Variants in ERBB4 observed in about 807,000 individuals in gnomAD.
ERBB4 encodes receptor tyrosine-protein kinase erbB-4.
A neutral mutation model predicts 158.0 loss-of-function variants in ERBB4; 42 were observed. The observed-to-expected ratio is 0.27, with a 90% CI of 0.21 to 0.34. The LOEUF (loss-of-function observed/expected upper bound fraction) is 0.34. Among genes scored for constraint, ERBB4 ranks in the 10% least tolerant of loss-of-function variants. The probability of loss-of-function intolerance (pLI) is 1.00; values close to 1 mark genes in which losing one functional copy is unlikely to be tolerated. For synonymous variants in ERBB4, 583 were observed against 558.7 expected (o/e 1.04, Z -0.61); for missense variants, 1,333 against 1,624.1 (o/e 0.82, Z 3.08).
chr2:211,491,203 T>C (rs1040168627), intron 20 of ERBB4, among the ~76,000 whole-genome samples: 1 of 152,142 alleles, frequency 6.6e-6, no homozygotes, highest in African/African-American at 2.4e-5. Context: ...AAGGGATTTT[T>C]TTCTTTCAAG....
rs944288386 is a variant in ERBB4 at position 211,377,440 on chromosome 2, T to C, written c.*6175A>G. 1 of 233,006 alleles carries C rather than the reference T, an allele frequency of 4.3e-6. No homozygotes were observed. Among genetic ancestry groups the C allele is most frequent in the East Asian group, 6.1e-5 (1 of 16,460 alleles). 14.4% of individuals were successfully genotyped at this position (233,006 alleles called of 1,614,324 possible). On this transcript the variant is annotated 3_prime_UTR_variant, in exon 28 of 28. Transcript: ENST00000342788. ...TTCTCATGATATAGGGAAAGCTCAC[T>C]AGAGCATGAAAAGAAAAACGTCCAT...
At chr2:211,870,268 G>A (rs935446159) in intron 3 of ERBB4, among the ~76,000 whole-genome samples, 1 of 152,054 alleles carries the variant, frequency 6.6e-6, no homozygotes, top group African/African-American at 2.4e-5. Flanking sequence ...TCAAGTACAA[G>A]TGGCCATAAA....
chr2:212,519,649 A>G (rs1692039072), intron 1 of ERBB4, among the ~76,000 whole-genome samples: 1 of 151,920 alleles, frequency 6.6e-6, no homozygotes, highest in South Asian at 2.1e-4. Context: ...ACCTGGGTGA[A>G]TCTGTCGGAC....
At chr2:211,869,760 C>T (rs2078296525) in intron 3 of ERBB4, among the ~76,000 whole-genome samples, 1 of 152,128 alleles carries the variant, frequency 6.6e-6, no homozygotes, top group Admixed American at 6.6e-5. Flanking sequence ...ATTATTGCAT[C>T]TTCTCTAATA....
At chr2:211,524,393 G>A (rs1018868782) in intron 20 of ERBB4, among the ~76,000 whole-genome samples, 1 of 151,914 alleles carries the variant, frequency 6.6e-6, no homozygotes, top group Non-Finnish European at 1.5e-5. Flanking sequence ...CTCAGCCCTT[G>A]GGTGGTCAAT....
intron 1 of ERBB4, among the ~76,000 whole-genome samples, chr2:212,374,304 T>A (rs2090244388): frequency 6.6e-6 from 1 of 151,344 alleles, no homozygotes; most frequent in South Asian, 2.1e-4. Context: ...TTGAAGGAAG[T>A]TGGTGATGAA....
At chr2:212,235,881 C>G (rs11902860) in intron 1 of ERBB4, among the ~76,000 whole-genome samples, 76,571 of 151,956 alleles carry the variant, frequency 0.5, 19,741 homozygotes, top group East Asian at 0.76. Context: ...GACACGAAGG[C>G]GTTTTCTAAA....
chr2:212,164,301 A>AC, intron 1 of ERBB4, among the ~76,000 whole-genome samples: 1 of 152,018 alleles, frequency 6.6e-6, no homozygotes, highest in African/African-American at 2.4e-5. Context: ...ATTTTTAAAA[A>AC]AACAACAAAA....
At chr2:212,414,859 A>T (rs1345700798) in intron 1 of ERBB4, among the ~76,000 whole-genome samples, 1 of 152,206 alleles carries the variant, frequency 6.6e-6, no homozygotes, top group East Asian at 1.9e-4. Flanking sequence ...AGTTGTTGTC[A>T]CAATAAATGG....
chr2:211,474,141 C>G (rs2064897174), intron 20 of ERBB4, among the ~76,000 whole-genome samples: 1 of 152,020 alleles, frequency 6.6e-6, no homozygotes, highest in Admixed American at 6.6e-5. Flanking sequence ...AATATTTTAT[C>G]TGGCTTTTAT....
chr2:211,992,530 G>C (rs746489799), intron 2 of ERBB4, among the ~76,000 whole-genome samples: 20 of 147,160 alleles, frequency 1.4e-4, no homozygotes, highest in South Asian at 4.4e-4. Flanking sequence ...AGAAGAGAGG[G>C]AGATGAGAGA....
At chr2:212,376,375 T>G (rs2090322129) in intron 1 of ERBB4, among the ~76,000 whole-genome samples, 1 of 152,030 alleles carries the variant, frequency 6.6e-6, no homozygotes, top group Admixed American at 6.6e-5. Flanking sequence ...TTTGGGATGC[T>G]CAAGGCATTT....
At chr2:211,479,239 G>GA (rs1187371381) in intron 20 of ERBB4, among the ~76,000 whole-genome samples, 1 of 152,102 alleles carries the variant, frequency 6.6e-6, no homozygotes, top group Non-Finnish European at 1.5e-5. Flanking sequence ...ATCATACTCT[G>GA]AAAACCACTG....
intron 12 of ERBB4, among the ~76,000 whole-genome samples, chr2:211,682,712 C>G (rs1185755205): frequency 6.6e-6 from 1 of 151,988 alleles, no homozygotes; most frequent in Non-Finnish European, 1.5e-5. Flanking sequence ...CCATCTATTT[C>G]TCTCTCATAG....
At chr2:212,502,943 C>T (rs573621749) in intron 1 of ERBB4, among the ~76,000 whole-genome samples, 37 of 152,048 alleles carry the variant, frequency 2.4e-4, no homozygotes, top group Non-Finnish European at 4.4e-4. Context: ...GCTAATTTTT[C>T]GTACAGACAG....
intron 12 of ERBB4, among the ~76,000 whole-genome samples, chr2:211,694,859 T>C (rs967771643): frequency 2.0e-5 from 3 of 152,072 alleles, no homozygotes; most frequent in Non-Finnish European, 4.4e-5. Context: ...GGGTTAGGAG[T>C]GCACAAATTA....
At chr2:211,549,494 G>A (rs570999422) in intron 20 of ERBB4, among the ~76,000 whole-genome samples, 3 of 152,198 alleles carry the variant, frequency 2.0e-5, no homozygotes, top group African/African-American at 7.2e-5. Flanking sequence ...TCCAGGCCCT[G>A]GAGGACTGAG....
chr2:212,168,033 G>T (rs114854372), intron 1 of ERBB4, among the ~76,000 whole-genome samples: 1 of 150,374 alleles, frequency 6.7e-6, no homozygotes, highest in African/African-American at 2.5e-5. Flanking sequence ...AAACTTGCAC[G>T]TTCTGCATAT....
rs1575018485 is a variant in ERBB4, at chr2:211,705,244, G to A, written c.1198+74C>T. 6.8e-6 allele frequency: 7 copies of A among 1,032,346 alleles called. No homozygotes were observed. The East Asian group carries it at 1.4e-4, about 21-fold the overall frequency. 63.9% of individuals were successfully genotyped at this position (1,032,346 alleles called of 1,614,324 possible). A position where few individuals can be genotyped will look rare whatever the true frequency, so the allele number is the denominator to read the frequency against. ...TGGGATTACTGGTGTGAGCCACGAT[G>A]CCCAGTCAATCTTGTGTAATTTTTA... On this transcript the variant is annotated intron_variant, in intron 10 of 27. Coordinates refer to ENST00000342788, the MANE Select transcript of ERBB4 (RefSeq NM_005235.3).
Sources: allele counts gnomAD v4.1 joint callset (sites outside exome capture counted in the v4.1 genomes callset), GRCh38; gene constraint gnomAD v4.1.1; transcripts MANE v1.5; gene names NCBI Gene and HGNC (gene_info 2026-07-23, HGNC 2026-07-21).